Variants in DMXL2 observed in about 807,000 individuals in gnomAD.
DMXL2 encodes dmX-like protein 2.
Under a neutral mutation model 331.1 loss-of-function variants are expected in DMXL2, and 103 were observed. The ratio of observed to expected loss-of-function variants is 0.31; its 90% CI spans 0.27 to 0.37. DMXL2 has a LOEUF of 0.37. DMXL2 is among the 10% of genes least tolerant of loss of function. DMXL2 has a pLI of 1.00. For missense variants in DMXL2, 3,171 were observed against 3,642.9 expected (o/e 0.87, Z 3.33); for synonymous variants, 1,281 against 1,252.1 (o/e 1.02, Z -0.49).
At chr15:51,550,893 C>T (rs2049174145) in intron 6 of DMXL2, among the ~76,000 whole-genome samples, 1 of 152,062 alleles carries the variant, frequency 6.6e-6, no homozygotes, top group Non-Finnish European at 1.5e-5. Context: ...TAATTTACCA[C>T]ATTTATAAAA....
At chr15:51,471,134 A>C (rs1174513606) in intron 29 of DMXL2, 89 bp downstream of exon 29, 1 of 1,240,776 alleles carries the variant, frequency 8.1e-7, no homozygotes, top group Non-Finnish European at 1.1e-6. Context: ...TCCAAAAGCT[A>C]CCCCATCATT....
rs572243143 is a variant in DMXL2 at position 51,561,978 on chromosome 15, A to G, written c.567+1403T>C. 3.9e-5 allele frequency among the ~76,000 whole-genome samples: 6 copies of G among 152,344 alleles called. No individual in the cohort carries two copies. In the East Asian group the frequency reaches 1.2e-3, roughly 29 times the overall value. On this transcript the variant is annotated intron_variant, in intron 6 of 43. Coordinates refer to ENST00000560891, the MANE Select transcript of DMXL2 (RefSeq NM_001378457.1). ...TTTCTCAATCTTATGTGGGAGCTAAAAAAGGAGATGAAGAGAAATTGGTTA... is the reference window on the plus strand; with the variant it reads ...TTTCTCAATCTTATGTGGGAGCTAAGAAAGGAGATGAAGAGAAATTGGTTA...
chr15:51,593,141 C>G (rs556188041), intron 1 of DMXL2, among the ~76,000 whole-genome samples: 1 of 152,258 alleles, frequency 6.6e-6, no homozygotes, highest in South Asian at 2.1e-4. Flanking sequence ...AGAGTCAAGA[C>G]CCATCAGTGT....
chr15:51,542,161 C>T (rs1004035486), intron 9 of DMXL2, among the ~76,000 whole-genome samples, 172 bp downstream of exon 9: 2 of 152,112 alleles, frequency 1.3e-5, no homozygotes, highest in African/African-American at 2.4e-5. Context: ...CACATAGTCC[C>T]AATCACATAG....
At chr15:51,500,288 A>G in intron 17 of DMXL2, 57 bp from the exon 18 acceptor site, 1 of 1,460,622 alleles carries the variant, frequency 6.8e-7, no homozygotes, top group Non-Finnish European at 9.1e-7. Context: ...ACAAAATAAT[A>G]TGGTAGTAAT....
chr15:51,567,221 T>G (rs906947867), intron 3 of DMXL2: 2 of 151,970 alleles, frequency 1.3e-5, no homozygotes, highest in Non-Finnish European at 2.9e-5. Flanking sequence ...TTTTTTATTT[T>G]TAGTAGACAC....
intron 15 of DMXL2, among the ~76,000 whole-genome samples, chr15:51,513,480 A>T (rs1413830567): frequency 6.6e-6 from 1 of 152,244 alleles, no homozygotes; most frequent in Non-Finnish European, 1.5e-5. Context: ...TATACGAAAG[A>T]AAAACAAGTT....
chr15:51,478,363 T>C lies in DMXL2; in HGVS notation c.6757-16A>G. The C allele has an allele frequency of 6.2e-7, 1 of 1,607,766 alleles. No individual in the cohort carries two copies. Among genetic ancestry groups the C allele is most frequent in the East Asian group, 2.2e-5 (1 of 44,714 alleles). ...GTGTGTGCACCTAAAACCAAAACAGTCACAATTACATTTTGTACTAACATT... is the reference window on the plus strand; with the variant it reads ...GTGTGTGCACCTAAAACCAAAACAGCCACAATTACATTTTGTACTAACATT... On this transcript the variant is annotated splice_polypyrimidine_tract_variant and intron_variant, in intron 25 of 43. Coordinates refer to ENST00000560891, the MANE Select transcript of DMXL2 (RefSeq NM_001378457.1).
chr15:51,561,371 A>G (rs1272810293), intron 6 of DMXL2, among the ~76,000 whole-genome samples: 1 of 152,170 alleles, frequency 6.6e-6, no homozygotes, highest in Non-Finnish European at 1.5e-5. Flanking sequence ...AGTCAGTGTC[A>G]GTGGTGGCTG....
At chr15:51,610,488 G>A (rs904409528) in intron 1 of DMXL2, among the ~76,000 whole-genome samples, 1 of 152,130 alleles carries the variant, frequency 6.6e-6, no homozygotes, top group Non-Finnish European at 1.5e-5. Context: ...ACTTATAAAG[G>A]CCAGGCACGG....
intron 15 of DMXL2, among the ~76,000 whole-genome samples, chr15:51,509,825 G>A (rs893007376): frequency 2.0e-5 from 3 of 152,066 alleles, no homozygotes; most frequent in Non-Finnish European, 4.4e-5. Context: ...CTGGCAAACC[G>A]AATCCAGCAG....
chr15:51,595,477 G>A (rs144762550), intron 1 of DMXL2, among the ~76,000 whole-genome samples: 2,885 of 152,234 alleles, frequency 0.019, 90 homozygotes, highest in African/African-American at 0.064. Context: ...AATCAATATC[G>A]TGAAAATGGC....
At position 51,535,711 on chromosome 15, in the gene DMXL2, T is replaced by C. The variant is rs759617424; in HGVS notation, c.2388A>G (p.Val796=). The C allele has an allele frequency of 1.4e-5, 22 of 1,609,468 alleles. No individual in the cohort carries two copies. In the Middle Eastern group the frequency reaches 6.6e-4, roughly 48 times the overall value. ...DGKNLRLYQA[V]VDARKLLDEL... ...CATCTAATAATTTCCTTGCATCCAC[T>C]ACAGCTTGATAGAGTCTCAGATTTT... Residue 796 remains valine, a synonymous_variant, in exon 13 of 44, where the codon GTA becomes GTG. Coordinates refer to ENST00000560891, the MANE Select transcript of DMXL2 (RefSeq NM_001378457.1).
chr15:51,451,742 T>C, intron 41 of DMXL2, 45 bp from the exon 42 acceptor site: 1 of 1,534,660 alleles, frequency 6.5e-7, no homozygotes, highest in South Asian at 1.2e-5. Context: ...AAATGATTGT[T>C]ATAAGTCGTC....
chr15:51,616,705 A>AGGCAGGAGGATCACTTGAG (rs2054303426), intron 1 of DMXL2, among the ~76,000 whole-genome samples: 1 of 152,188 alleles, frequency 6.6e-6, no homozygotes, highest in Admixed American at 6.5e-5. Flanking sequence ...TGGGAGGCTG[A>AGGCAGGAGGATCACTTGAG]GGCAGGAGGA....
intron 25 of DMXL2, 94 bp from the exon 26 acceptor site, chr15:51,478,441 A>G: frequency 9.4e-7 from 1 of 1,067,256 alleles, no homozygotes; most frequent in Non-Finnish European, 1.4e-6. Context: ...AAACCTAGCA[A>G]CATCATAAAT....
intron 14 of DMXL2, 66 bp downstream of exon 14, chr15:51,517,011 TC>T: frequency 1.6e-6 from 2 of 1,217,956 alleles, no homozygotes. Context: ...ATGACATATA[TC>T]ATATACATAT....
intron 1 of DMXL2, among the ~76,000 whole-genome samples, chr15:51,605,970 T>A (rs1333105725): frequency 1.3e-5 from 2 of 152,254 alleles, no homozygotes; most frequent in East Asian, 3.8e-4. Context: ...TGCTCAGCAC[T>A]GAATGCCAAT....
At chr15:51,621,696 CTT>C (rs1456739407) in intron 1 of DMXL2, among the ~76,000 whole-genome samples, 11 of 152,250 alleles carry the variant, frequency 7.2e-5, no homozygotes, top group African/African-American at 2.4e-4. Flanking sequence ...TATACATACA[CTT>C]TTCTCAAACA....
Sources: gnomAD v4.1 joint callset for allele counts (sites outside exome capture counted in the v4.1 genomes callset) on GRCh38, gnomAD v4.1.1 for gene constraint, MANE v1.5 for transcripts, NCBI Gene and HGNC (gene_info 2026-07-23, HGNC 2026-07-21) for gene names.